Variants in ST7 observed in about 807,000 individuals in gnomAD.
ST7 encodes suppression of tumorigenicity 7.
In ST7, 28 loss-of-function variants were observed where a neutral mutation model predicts 78.7. The ratio of observed to expected loss-of-function variants is 0.36; its 90% CI spans 0.26 to 0.49. ST7 has a LOEUF of 0.49. Among genes scored for constraint, ST7 ranks in the 20% least tolerant of loss-of-function variants. The probability of loss-of-function intolerance (pLI) is 0.99; values close to 1 mark genes in which losing one functional copy is unlikely to be tolerated. For synonymous variants in ST7, 247 were observed against 249.6 expected, an observed-to-expected ratio of 0.99 and a Z score of 0.10; for missense variants, 418 against 696.0, an observed-to-expected ratio of 0.60 and a Z score of 4.49.
At chr7:117,057,761 G>C (rs1158076887) in intron 1 of ST7, among the ~76,000 whole-genome samples, 2 of 152,194 alleles carry the variant, frequency 1.3e-5, no homozygotes, top group Non-Finnish European at 2.9e-5. Context: ...ATAGTAGAGT[G>C]AGGGAACCTG....
chr7:117,159,243 T>C (rs1305417185), intron 9 of ST7, among the ~76,000 whole-genome samples: 12 of 152,200 alleles, frequency 7.9e-5, no homozygotes, highest in Non-Finnish European at 1.5e-5. Flanking sequence ...CCATTTGAGC[T>C]CATAAATGTT....
At chr7:117,177,915 A>G (rs1808461901) in intron 10 of ST7, among the ~76,000 whole-genome samples, 1 of 152,212 alleles carries the variant, frequency 6.6e-6, no homozygotes. Context: ...AATTAATCAC[A>G]TAATGGGACA....
At chr7:117,071,864 T>C (rs1798983579) in intron 1 of ST7, among the ~76,000 whole-genome samples, 1 of 152,232 alleles carries the variant, frequency 6.6e-6, no homozygotes, top group South Asian at 2.1e-4. Flanking sequence ...GCAATTTATT[T>C]TCCACTTTAG....
intron 15 of ST7, among the ~76,000 whole-genome samples, chr7:117,227,956 G>A (rs532388127): frequency 4.6e-5 from 7 of 152,280 alleles, no homozygotes; most frequent in African/African-American, 1.7e-4. Context: ...AACCTGACAC[G>A]CAGGGCCCTC....
At chr7:117,150,037 G>A (rs1806128439) in intron 9 of ST7, among the ~76,000 whole-genome samples, 1 of 152,134 alleles carries the variant, frequency 6.6e-6, no homozygotes, top group South Asian at 2.1e-4. Flanking sequence ...CAGGTTGGGA[G>A]ACAGAGCTGT....
intron 3 of ST7, 49 bp from the exon 4 acceptor site, chr7:117,129,744 A>C: frequency 7.2e-7 from 1 of 1,392,530 alleles, no homozygotes; most frequent in East Asian, 2.3e-5. Context: ...ATTAGCTTGT[A>C]GTGTCACTGA....
chr7:116,960,062 A>G (rs1792740977), intron 1 of ST7, among the ~76,000 whole-genome samples: 2 of 152,158 alleles, frequency 1.3e-5, no homozygotes, highest in Admixed American at 6.5e-5. Context: ...TGAAAATACA[A>G]TCTAAGTGTA....
At chr7:116,989,775 G>A (rs1344669452) in intron 1 of ST7, among the ~76,000 whole-genome samples, 1 of 152,072 alleles carries the variant, frequency 6.6e-6, no homozygotes, top group Non-Finnish European at 1.5e-5. Flanking sequence ...GGAGTTCAAG[G>A]TTACAGTGAA....
chr7:116,990,457 A>G (rs1386982861), intron 1 of ST7, among the ~76,000 whole-genome samples: 3 of 152,132 alleles, frequency 2.0e-5, no homozygotes, highest in Non-Finnish European at 2.9e-5. Flanking sequence ...TTGTATGCAC[A>G]CAGGGGAAAC....
intron 13 of ST7, among the ~76,000 whole-genome samples, chr7:117,210,162 A>C (rs1362161886): frequency 6.6e-6 from 1 of 152,156 alleles, no homozygotes; most frequent in Admixed American, 6.5e-5. Context: ...AGTTTATATT[A>C]TAGATGGGGT....
intron 1 of ST7, among the ~76,000 whole-genome samples, chr7:117,085,303 A>G (rs1800053648): frequency 6.6e-6 from 1 of 152,144 alleles, no homozygotes; most frequent in South Asian, 2.1e-4. Context: ...GTCTCATGTT[A>G]CATTCCCATC....
chr7:116,955,397 T>A (rs773239961), intron 1 of ST7, among the ~76,000 whole-genome samples: 3 of 152,142 alleles, frequency 2.0e-5, no homozygotes, highest in Non-Finnish European at 2.9e-5. Flanking sequence ...CTGTCATCCC[T>A]TGGTGGAAGG....
chr7:117,123,020 A>G (rs1354326833), intron 3 of ST7, among the ~76,000 whole-genome samples: 2 of 152,196 alleles, frequency 1.3e-5, no homozygotes, highest in Non-Finnish European at 2.9e-5. Flanking sequence ...TAATAATAAA[A>G]TGACTATTGC....
At chr7:117,025,924 T>C (rs1248144323) in intron 1 of ST7, among the ~76,000 whole-genome samples, 1 of 152,214 alleles carries the variant, frequency 6.6e-6, no homozygotes, top group Admixed American at 6.5e-5. Context: ...AAATATGCAA[T>C]GGTTATTTTT....
intron 1 of ST7, among the ~76,000 whole-genome samples, chr7:117,081,472 T>C (rs1426755197): frequency 6.6e-6 from 1 of 152,224 alleles, no homozygotes; most frequent in Admixed American, 6.5e-5. Context: ...ATTATTTTTA[T>C]AGAAATTATT....
At chr7:117,123,343 A>C (rs1314473262) in intron 3 of ST7, among the ~76,000 whole-genome samples, 9 of 152,130 alleles carry the variant, frequency 5.9e-5, no homozygotes, top group Non-Finnish European at 4.4e-5. Context: ...TGGAGTGAGG[A>C]GTGAGAAAGG....
At chr7:117,178,402 G>A (rs1464762764) in intron 10 of ST7, among the ~76,000 whole-genome samples, 1 of 152,144 alleles carries the variant, frequency 6.6e-6, no homozygotes, top group African/African-American at 2.4e-5. Context: ...ACAAGCTGTG[G>A]GGAGTGCAGA....
intron 9 of ST7, among the ~76,000 whole-genome samples, chr7:117,142,888 G>A (rs1239342456): frequency 6.6e-6 from 1 of 152,132 alleles, no homozygotes; most frequent in African/African-American, 2.4e-5. Flanking sequence ...GGGATTACAG[G>A]CATGAGCCAC....
At chr7:117,175,492 T>A (rs952351993) in intron 10 of ST7, among the ~76,000 whole-genome samples, 1 of 152,124 alleles carries the variant, frequency 6.6e-6, no homozygotes, top group African/African-American at 2.4e-5. Context: ...TTTGGGAGCA[T>A]CTAGTTCTGC....
Sources: gnomAD v4.1 joint callset for allele counts (sites outside exome capture counted in the v4.1 genomes callset) on GRCh38, gnomAD v4.1.1 for gene constraint, MANE v1.5 for transcripts, NCBI Gene and HGNC (gene_info 2026-07-23, HGNC 2026-07-21) for gene names.